SRGAP2: variants seen among roughly 807,000 people sequenced by gnomAD.
The protein encoded by SRGAP2 is SLIT-ROBO Rho GTPase activating protein 2.
Under a neutral mutation model 57.2 loss-of-function variants are expected in SRGAP2, and 15 were observed. The observed-to-expected ratio is 0.26, with a 90% CI of 0.18 to 0.40. The LOEUF (loss-of-function observed/expected upper bound fraction) is 0.40. Ranked by LOEUF, SRGAP2 falls within the 10% of genes least tolerant of loss-of-function variation. The pLI, the probability that SRGAP2 is intolerant of heterozygous loss-of-function variation, is 1.00. For missense variants in SRGAP2, 520 were observed against 669.6 expected (o/e 0.78, Z 2.47); for synonymous variants, 249 against 248.0 (o/e 1.00, Z -0.04).
chr1:206,447,247 C>T (rs1662836387), intron 18 of SRGAP2, among the ~76,000 whole-genome samples: 1 of 152,182 alleles, frequency 6.6e-6, no homozygotes, highest in Admixed American at 6.5e-5. Flanking sequence ...CAAGCCAGCC[C>T]AAATCGGATT....
At chr1:206,327,354 A>G (rs1674009308) in intron 3 of SRGAP2, among the ~76,000 whole-genome samples, 1 of 151,268 alleles carries the variant, frequency 6.6e-6, no homozygotes, top group Admixed American at 6.6e-5. Flanking sequence ...AAGTGTTCCT[A>G]TTTAGTATAC....
intron 4 of SRGAP2, among the ~76,000 whole-genome samples, chr1:206,355,288 T>G (rs1366207235): frequency 1.3e-5 from 2 of 152,240 alleles, no homozygotes; most frequent in African/African-American, 4.8e-5. Context: ...GTTGTTAAGC[T>G]TCTGCCCGTA....
At chr1:206,286,742 C>T (rs1671046718) in intron 2 of SRGAP2, among the ~76,000 whole-genome samples, 1 of 151,294 alleles carries the variant, frequency 6.6e-6, no homozygotes, top group African/African-American at 2.4e-5. Context: ...GAGCTAACCA[C>T]GTGACTGTGG....
In SRGAP2 at chr1:206,429,428, G is replaced by T. The variant is rs114035048; in HGVS notation, c.1495-734G>T. On this transcript the variant is annotated intron_variant, in intron 13 of 22. Transcript: ENST00000573034. Reference sequence around the variant, plus strand: ...ACACCCAGGAATTGACATAGGATCTGCTCTTGTGAAGTTTGAGCTGTAGTG... The same window carrying T: ...ACACCCAGGAATTGACATAGGATCTTCTCTTGTGAAGTTTGAGCTGTAGTG... Among the ~76,000 whole-genome samples the T allele has an allele frequency of 7.0e-3, 1,061 of 152,380 alleles. 9 individuals carry two copies. The highest frequency in any genetic ancestry group is 0.024 in the African/African-American group (988 of 41,590).
chr1:206,439,888 T>A (rs1177751134), intron 16 of SRGAP2, 88 bp from the exon 17 acceptor site: 3 of 715,652 alleles, frequency 4.2e-6, no homozygotes, highest in East Asian at 5.2e-5. Flanking sequence ...CTGTCCGTGT[T>A]GCCCCTGCTG....
intron 4 of SRGAP2, among the ~76,000 whole-genome samples, chr1:206,374,317 G>C (rs1376927649): frequency 6.7e-6 from 1 of 149,644 alleles, no homozygotes; most frequent in East Asian, 2.0e-4. Context: ...CGCCCGGCCA[G>C]ATACACATTC....
At chr1:206,399,102 C>A (rs1657896697) in intron 7 of SRGAP2, among the ~76,000 whole-genome samples, 1 of 152,028 alleles carries the variant, frequency 6.6e-6, no homozygotes, top group Non-Finnish European at 1.5e-5. Flanking sequence ...TTGCTTATGG[C>A]CATATAGCTG....
At position 206,292,172 on chromosome 1, in the gene SRGAP2, C is replaced by A. The variant is rs1671365927; in HGVS notation, c.68-11109C>A. 5.9e-5 allele frequency among the ~76,000 whole-genome samples: 9 copies of A among 152,322 alleles called. No individual in the cohort carries two copies. The South Asian group carries it at 1.9e-3, about 32-fold the overall frequency. On this transcript the variant is annotated intron_variant, in intron 2 of 22. Coordinates refer to ENST00000573034, the MANE Select transcript of SRGAP2 (RefSeq NM_015326.5). ...TTCACATAACTATGTGAAGCTACTG[C>A]ATCTCTGAACAGTCCACTGGGGCAA...
intron 3 of SRGAP2, among the ~76,000 whole-genome samples, chr1:206,341,155 A>G (rs1426677467): frequency 1.3e-5 from 2 of 152,240 alleles, no homozygotes; most frequent in Non-Finnish European, 2.9e-5. Flanking sequence ...AGTTACTACT[A>G]TAGAATTGGA....
intron 21 of SRGAP2, 65 bp downstream of exon 21, chr1:206,455,089 C>T: frequency 1.3e-6 from 1 of 777,490 alleles, no homozygotes; most frequent in South Asian, 1.3e-5. Context: ...CACCCTCTGG[C>T]CTAACCCCCA....
At chr1:206,402,444 A>G (rs1248352454) in intron 8 of SRGAP2, among the ~76,000 whole-genome samples, 3 of 152,240 alleles carry the variant, frequency 2.0e-5, no homozygotes, top group Non-Finnish European at 4.4e-5. Flanking sequence ...GGTTGTGTGT[A>G]CAAGTCAGAG....
intron 13 of SRGAP2, among the ~76,000 whole-genome samples, chr1:206,428,375 C>G (rs995869200): frequency 6.7e-6 from 1 of 150,234 alleles, no homozygotes; most frequent in Non-Finnish European, 1.5e-5. Context: ...TGAGATCGCA[C>G]CACTGCACTC....
chr1:206,337,038 G>A (rs1443040738), intron 3 of SRGAP2, among the ~76,000 whole-genome samples: 3 of 142,092 alleles, frequency 2.1e-5, no homozygotes, highest in Admixed American at 1.4e-4. Context: ...CTGCTTAGAT[G>A]TATTGATAGT....
At chr1:206,247,518 A>G (rs1668568108) in intron 2 of SRGAP2, among the ~76,000 whole-genome samples, 1 of 152,158 alleles carries the variant, frequency 6.6e-6, no homozygotes, top group Admixed American at 6.5e-5. Context: ...CCTACTAAAG[A>G]CAGTGTCCTC....
chr1:206,291,333 A>C (rs1406381120), intron 2 of SRGAP2, among the ~76,000 whole-genome samples: 5 of 152,188 alleles, frequency 3.3e-5, no homozygotes, highest in African/African-American at 9.7e-5. Flanking sequence ...AATGGGAGGA[A>C]TTGTGGTTGC....
rs1662745227 is a variant in SRGAP2, at chr1:206,446,213, C to T, written c.2013C>T (p.Ile671=). 2 of 780,958 alleles carry T rather than the reference C, an allele frequency of 2.6e-6. No homozygotes were observed. Among genetic ancestry groups the T allele is most frequent in the South Asian group, 2.7e-5 (2 of 74,628 alleles). 48.4% of individuals were successfully genotyped at this position (780,958 alleles called of 1,614,324 possible). ...QAHVNELIKT[I]IIQHENIFPS... ...ACGTGAATGAGCTGATCAAAACCAT[C>T]ATCATCCAGCATGAGAACATCTTCC... is the stretch of plus-strand genomic sequence containing the variant. Residue 671 remains isoleucine (I), a synonymous_variant, in exon 18 of 23, where the codon ATC becomes ATT. Transcript: ENST00000573034.
intron 17 of SRGAP2, among the ~76,000 whole-genome samples, chr1:206,443,554 T>G (rs1662497066): frequency 6.6e-6 from 1 of 152,096 alleles, no homozygotes; most frequent in African/African-American, 2.4e-5. Context: ...TTTTTGTATT[T>G]GTAGTAGAGA....
In SRGAP2 at chr1:206,359,798, C is replaced by CTTTTTTT. The variant is rs1166916482; in HGVS notation, c.423+16810_423+16816dup. 2.8e-4 allele frequency among the ~76,000 whole-genome samples: 20 copies of CTTTTTTT among 70,212 alleles called. 3 individuals carry two copies. Among genetic ancestry groups the CTTTTTTT allele is most frequent in the Admixed American group, 9.2e-4 (5 of 5,414 alleles). The allele number at this position is 70,212 out of a possible 152,430, so 46.1% of individuals were successfully genotyped here. On this transcript the variant is annotated intron_variant, in intron 4 of 22. Transcript: ENST00000573034. ...AGGATGGGGTACAAGGGATATTGCT[C>CTTTTTTT]TTTTTTTTTTTTTTTTTTTTTTTTT...
intron 19 of SRGAP2, among the ~76,000 whole-genome samples, chr1:206,452,397 C>A (rs535506423): frequency 6.6e-6 from 1 of 152,012 alleles, no homozygotes; most frequent in Non-Finnish European, 1.5e-5. Flanking sequence ...TCACATTCTA[C>A]TTACTAGGGG....
Sources: allele counts gnomAD v4.1 joint callset (sites outside exome capture counted in the v4.1 genomes callset), GRCh38; gene constraint gnomAD v4.1.1; transcripts MANE v1.5; gene names NCBI Gene and HGNC (gene_info 2026-07-23, HGNC 2026-07-21).